Variants in CNTROB observed in about 807,000 individuals in gnomAD.
CNTROB encodes the protein centrobin, centriole duplication and spindle assembly protein, also known as centrobin.
In CNTROB, 82 loss-of-function variants were observed where a neutral mutation model predicts 115.7. That is an observed-to-expected ratio of 0.71 (90% CI 0.59 to 0.85). The LOEUF (loss-of-function observed/expected upper bound fraction) is 0.85, where lower values mean the gene tolerates loss of function less well. Ranked by LOEUF, CNTROB falls within the 40% of genes least tolerant of loss-of-function variation. The pLI is 0.00. For missense variants in CNTROB, 1,014 were observed against 1,144.4 expected (o/e 0.89, Z 1.64); for synonymous variants, 439 against 456.4 (o/e 0.96, Z 0.49).
Position 7,933,316 on chromosome 17 carries a change from G to T in CNTROB, c.237G>T (p.Leu79Phe), listed in dbSNP as rs746346824. The T allele has an allele frequency of 1.2e-6, 2 of 1,613,902 alleles. No homozygotes were observed. Among genetic ancestry groups the T allele is most frequent in the East Asian group, 2.2e-5 (1 of 44,900 alleles). ...TCGCCCAAGAATTGAGTCGAAGCTT[G>T]TCAGTCGGATTGGAAAAGAACTTGA... ...DGFAQELSRS[L>F]SVGLEKNLKK... Residue 79 changes from leucine (L) to phenylalanine (F), a missense_variant, in exon 1 of 19, where the codon TTG (leucine) becomes TTT (phenylalanine). Coordinates refer to ENST00000563694, the MANE Select transcript of CNTROB (RefSeq NM_053051.5).
Position 7,948,705 on chromosome 17 carries a change from G to T in CNTROB, c.2513+86G>T, listed in dbSNP as rs1177477316. On this transcript the variant is annotated intron_variant, in intron 17 of 18. Coordinates refer to ENST00000563694, the MANE Select transcript of CNTROB (RefSeq NM_053051.5). The surrounding 1 kb of genome is among the most constrained non-coding windows in gnomAD (Gnocchi z 4.4). ...GAGTGGGTGTGTTTTACACTGAATT[G>T]AATCGTTGTCCTTTTCTGGGGAGGA... 2 of 1,612,934 alleles carry T rather than the reference G, an allele frequency of 1.2e-6. No homozygotes were observed. Among genetic ancestry groups the T allele is most frequent in the Admixed American group, 3.3e-5 (2 of 59,958 alleles).
Position 7,949,404 on chromosome 17 carries a change from C to T in CNTROB, c.2606C>T (p.Pro869Leu), listed in dbSNP as rs775700157. Reference sequence around the variant, plus strand: ...TCTCAGATTCCCTCCCAGGCTGTCCCTCGCCGCCTTGCTACAGCCCCCAAG... The same window carrying T: ...TCTCAGATTCCCTCCCAGGCTGTCCTTCGCCGCCTTGCTACAGCCCCCAAG... The part of the protein sequence containing the change: ...PRKEIPSQAV[P>L]RRLATAPKTE... The change falls in exon 19 of 19, where the codon CCT becomes CTT. Residue 869 changes from proline to leucine, a missense_variant. Transcript: ENST00000563694. 2.3e-5 allele frequency: 37 copies of T among 1,614,040 alleles called. No individual in the cohort carries two copies. Among genetic ancestry groups the T allele is most frequent in the South Asian group, 3.3e-5 (3 of 91,082 alleles).
chr17:7,934,114 G>C (rs1184158299), intron 1 of CNTROB, 24 bp from the exon 2 acceptor site: 6 of 1,604,300 alleles, frequency 3.7e-6, no homozygotes. Flanking sequence ...GACTGCATCT[G>C]ATTTCCATGT....
In CNTROB at chr17:7,934,188, G is replaced by T; in HGVS notation, c.321G>T (p.Gln107His). The T allele has an allele frequency of 1.2e-6, 2 of 1,614,154 alleles. No homozygotes were observed. The highest frequency in any genetic ancestry group is 1.7e-6 in the Non-Finnish European group (2 of 1,180,024). Residue 107 changes from glutamine to histidine, a missense_variant, in exon 2 of 19, where the codon CAG becomes CAT. Coordinates refer to ENST00000563694, the MANE Select transcript of CNTROB (RefSeq NM_053051.5). ...TGGAAAGTGTTCGGGGTCAGCTCCA[G>T]ACCATGCTCCAAACCTCACGTGATA... ...FEMESVRGQL[Q>H]TMLQTSRDTA...
rs149438589 is a variant in CNTROB at position 7,934,543 on chromosome 17, T to C, written c.434T>C (p.Leu145Pro). 77 of 1,612,596 alleles carry C rather than the reference T, an allele frequency of 4.8e-5. No individual in the cohort carries two copies. The African/African-American group carries it at 7.2e-4, about 15-fold the overall frequency. Residue 145 changes from leucine to proline, a missense_variant, in exon 3 of 19, where the codon CTC becomes CCC. Physicochemically the swap from Leu to Pro is moderately conservative, Grantham distance 98. Coordinates refer to ENST00000563694, the MANE Select transcript of CNTROB (RefSeq NM_053051.5). ...GACAGTGATAGCACAGCCACCTTGC[T>C]CAAGTGAGTTCTCCTTGTGGTTCTC... ...SFDSDSTATL[L>P]NTRPLQDLSP...
chr17:7,945,765 A>G lies in CNTROB; in HGVS notation c.1772A>G (p.Glu591Gly). Residue 591 changes from glutamate to glycine, a missense_variant, in exon 13 of 19, where the codon GAG becomes GGG. Transcript: ENST00000563694. ...PAGPSSPGPQ[E>G]PEKEERRVWT... ...GGACCCTCCAGCCCCGGGCCTCAGG[A>G]GCCCGAGAAGGAGGAGAGGAGGGTC... is the stretch of plus-strand genomic sequence containing the variant. 1 of 1,614,180 alleles carries G rather than the reference A, an allele frequency of 6.2e-7. No individual in the cohort carries two copies. Among genetic ancestry groups the G allele is most frequent in the Non-Finnish European group, 8.5e-7 (1 of 1,180,014 alleles).
chr17:7,949,046 C>T lies in CNTROB; in HGVS notation c.2514-39C>T, dbSNP rs369625084. On this transcript the variant is annotated intron_variant, in intron 17 of 18. Coordinates refer to ENST00000563694, the MANE Select transcript of CNTROB (RefSeq NM_053051.5). ...ATCCAGTATTGGGTAACCGGGGGGA[C>T]GGAGATCCCCATCCTCATACCTTTG... 41 of 1,612,428 alleles carry T rather than the reference C, an allele frequency of 2.5e-5. 1 individual carries two copies. In the African/African-American group the frequency reaches 3.1e-4, roughly 12 times the overall value.
At chr17:7,936,633 C>T (rs1973214521) in intron 5 of CNTROB, 68 bp from the exon 6 acceptor site, 5 of 820,758 alleles carry the variant, frequency 6.1e-6, no homozygotes, top group South Asian at 5.4e-5. Flanking sequence ...GGCTGTTGAC[C>T]CTGCCCCTGT....
intron 7 of CNTROB, 99 bp downstream of exon 7, chr17:7,937,361 G>A (rs4791987): frequency 0.49 from 681,049 of 1,398,390 alleles, 171,546 homozygotes; most frequent in East Asian, 0.75. Context: ...AATTTGAGTT[G>A]CACCAGAGCA....
At chr17:7,938,871 C>CA (rs999976146) in intron 7 of CNTROB, among the ~76,000 whole-genome samples, 3 of 152,188 alleles carry the variant, frequency 2.0e-5, no homozygotes, top group African/African-American at 7.2e-5. Context: ...CTCCGCCTCC[C>CA]AGGTTCAAGC....
rs146923091 is a variant in CNTROB at position 7,945,754 on chromosome 17, C to T, written c.1761C>T (p.Pro587=). 21 of 1,614,066 alleles carry T rather than the reference C, an allele frequency of 1.3e-5. No individual in the cohort carries two copies. The highest frequency in any genetic ancestry group is 2.2e-5 in the East Asian group (1 of 44,894). The change falls in exon 13 of 19, where the codon CCC becomes CCT. Residue 587 remains proline, a synonymous_variant. Transcript: ENST00000563694. ...CTCCTCCTGCTGGACCCTCCAGCCC[C>T]GGGCCTCAGGAGCCCGAGAAGGAGG... ...PPAPPAGPSS[P]GPQEPEKEER...
intron 13 of CNTROB, 141 bp downstream of exon 13, chr17:7,946,127 C>G (rs1426351332): frequency 1.4e-6 from 1 of 732,072 alleles, no homozygotes; most frequent in Non-Finnish European, 2.3e-6. Context: ...GAGCAGAAAT[C>G]TGCTCACATT....
chr17:7,938,394 C>G (rs537399056), intron 7 of CNTROB, among the ~76,000 whole-genome samples: 1 of 152,306 alleles, frequency 6.6e-6, no homozygotes, highest in Admixed American at 6.5e-5. Context: ...ATGCATAATG[C>G]ATGCTTGCTA....
At position 7,932,681 on chromosome 17, in the gene CNTROB, C is replaced by T. The variant is rs1381709581; in HGVS notation, c.-399C>T. The T allele has an allele frequency of 2.8e-5, 5 of 178,800 alleles. No individual in the cohort carries two copies. Among genetic ancestry groups the T allele is most frequent in the Non-Finnish European group, 2.3e-5 (2 of 86,340 alleles). The allele number at this position is 178,800 out of a possible 1,614,324, so 11.1% of individuals were successfully genotyped here. ...GGATTTGGGTCCGTTTCCGTTGGGA[C>T]GTTTTGGGTGTGAGAACTTAAGAGC... On this transcript the variant is annotated 5_prime_UTR_variant, in exon 1 of 19. In the 5' UTR this introduces an upstream ATG that the reference lacks. Transcript: ENST00000563694.
At chr17:7,934,295 A>G in intron 2 of CNTROB, 73 bp downstream of exon 2, 1 of 1,474,286 alleles carries the variant, frequency 6.8e-7, no homozygotes, top group Non-Finnish European at 9.5e-7. Context: ...GGACAGAGGA[A>G]GCAGGCAGGA....
At chr17:7,937,852 C>G (rs1019458992) in intron 7 of CNTROB, among the ~76,000 whole-genome samples, 2 of 151,880 alleles carry the variant, frequency 1.3e-5, no homozygotes, top group Admixed American at 1.3e-4. Context: ...TGGGACTCAC[C>G]TGCAGAGGTT....
chr17:7,939,706 A>G lies in CNTROB; in HGVS notation c.1121A>G (p.Gln374Arg). ...QQEHQLKEHY[Q>R]ALQEESQAQL... ...GAGCACCAGCTTAAGGAACACTACCAGGCGCTGCAGGAGGAGAGCCAGGCT... is the reference window on the plus strand; with the variant it reads ...GAGCACCAGCTTAAGGAACACTACCGGGCGCTGCAGGAGGAGAGCCAGGCT... Residue 374 changes from glutamine to arginine, a missense_variant, in exon 8 of 19, where the codon CAG becomes CGG. Physicochemically the swap from Gln to Arg is conservative, Grantham distance 43 (BLOSUM62 1). Coordinates refer to ENST00000563694, the MANE Select transcript of CNTROB (RefSeq NM_053051.5). This position sits in a 1 kb window ranked among gnomAD's most constrained non-coding sequence, Gnocchi z 4.4. 1 of 1,614,114 alleles carries G rather than the reference A, an allele frequency of 6.2e-7. No individual in the cohort carries two copies. Among genetic ancestry groups the G allele is most frequent in the Non-Finnish European group, 8.5e-7 (1 of 1,180,024 alleles).
chr17:7,948,604 G>C lies in CNTROB; in HGVS notation c.2498G>C (p.Arg833Thr). The change falls in exon 17 of 19, where the codon AGG becomes ACG. Residue 833 changes from arginine (R) to threonine (T), a missense_variant. By Grantham distance (71) the Arg-to-Thr change is moderately conservative (BLOSUM62 -1). Transcript: ENST00000563694. The surrounding 1 kb of genome is among the most constrained non-coding windows in gnomAD (Gnocchi z 4.4). ...GAGGATCTCCTGCTCTACCTGAAGA[G>C]GCTGGAACACAGCGGGTACAAGCCT... ...PAEDLLLYLK[R>T]LEHSGTDGRG... 6.2e-7 allele frequency: 1 copy of C among 1,614,206 alleles called. No homozygotes were observed. The highest frequency in any genetic ancestry group is 8.5e-7 in the Non-Finnish European group (1 of 1,180,042).
At position 7,945,951 on chromosome 17, in the gene CNTROB, C is replaced by A; in HGVS notation, c.1958C>A (p.Pro653His). 6.2e-7 allele frequency: 1 copy of A among 1,614,136 alleles called. No homozygotes were observed. Among genetic ancestry groups the A allele is most frequent in the Non-Finnish European group, 8.5e-7 (1 of 1,179,960 alleles). Residue 653 changes from proline (P) to histidine (H), a missense_variant, in exon 13 of 19, where the codon CCC (proline) becomes CAC (histidine). Coordinates refer to ENST00000563694, the MANE Select transcript of CNTROB (RefSeq NM_053051.5). ...PSFQSQHSFQ[P>H]LEPKPDLTSS... Reference sequence around the variant, plus strand: ...TTTCAGAGCCAGCATTCTTTCCAGCCCCTGGAGCCCAAACCAGACCTCACT... The same window carrying A: ...TTTCAGAGCCAGCATTCTTTCCAGCACCTGGAGCCCAAACCAGACCTCACT...
Sources: allele counts gnomAD v4.1 joint callset (sites outside exome capture counted in the v4.1 genomes callset), GRCh38; gene constraint gnomAD v4.1.1; non-coding constraint Gnocchi (gnomAD v3.1); transcripts MANE v1.5; gene names NCBI Gene and HGNC (gene_info 2026-07-23, HGNC 2026-07-21).